The following RBFOX1 variants were observed in gnomAD, a reference collection of about 807,000 sequenced individuals.
RBFOX1 encodes RNA binding fox-1 homolog 1.
RBFOX1 carries 8 observed loss-of-function variants against 57.7 expected under a neutral mutation model. That is an observed-to-expected ratio of 0.14 (90% confidence interval 0.08 to 0.25). The LOEUF (loss-of-function observed/expected upper bound fraction) is 0.25, where lower values mean the gene tolerates loss of function less well. Ranked by LOEUF, RBFOX1 falls within the 10% of genes least tolerant of loss-of-function variation. RBFOX1 has a pLI of 1.00. For synonymous variants in RBFOX1, 326 were observed against 222.4 expected, an observed-to-expected ratio of 1.47 and a Z score of -4.15; for missense variants, 611 against 548.5, an observed-to-expected ratio of 1.11 and a Z score of -1.14.
chr16:6,684,878 C>G (rs965514680), intron 3 of RBFOX1, among the ~76,000 whole-genome samples: 6 of 152,140 alleles, frequency 3.9e-5, no homozygotes, highest in African/African-American at 4.8e-5. Flanking sequence ...GCAAAAGGAG[C>G]TAGCATGTTC....
At chr16:5,394,853 C>CT (rs1280859087) in intron 1 of RBFOX1, among the ~76,000 whole-genome samples, 12 of 152,104 alleles carry the variant, frequency 7.9e-5, no homozygotes, top group East Asian at 1.9e-4. Flanking sequence ...CCTGGCCTGT[C>CT]TTTTTTTTCC....
chr16:5,477,442 G>A (rs2069368190), intron 2 of RBFOX1, among the ~76,000 whole-genome samples: 1 of 152,158 alleles, frequency 6.6e-6, no homozygotes, highest in South Asian at 2.1e-4. Flanking sequence ...CCCCTCCTGG[G>A]GACAGGCTGC....
intron 3 of RBFOX1, among the ~76,000 whole-genome samples, chr16:6,865,340 A>C (rs1351285592): frequency 6.6e-6 from 1 of 152,086 alleles, no homozygotes. Context: ...TAATTACTTG[A>C]ATAATATGTG....
chr16:7,031,901 C>G (rs1343851404), intron 3 of RBFOX1, among the ~76,000 whole-genome samples: 1 of 152,124 alleles, frequency 6.6e-6, no homozygotes, highest in South Asian at 2.1e-4. Flanking sequence ...TCTCCCTGAT[C>G]AGTATAATTA....
At chr16:6,336,614 C>G (rs1253623425) in intron 2 of RBFOX1, among the ~76,000 whole-genome samples, 2 of 152,130 alleles carry the variant, frequency 1.3e-5, no homozygotes, top group Non-Finnish European at 2.9e-5. Flanking sequence ...CACACACCAC[C>G]CGGGAGAACT....
At chr16:7,188,591 A>G (rs1264232436) in intron 4 of RBFOX1, among the ~76,000 whole-genome samples, 1 of 152,182 alleles carries the variant, frequency 6.6e-6, no homozygotes, top group Non-Finnish European at 1.5e-5. Context: ...CTAAGCAATT[A>G]AGAGTGGTTT....
chr16:5,471,432 G>C (rs889336246), intron 2 of RBFOX1, among the ~76,000 whole-genome samples: 13 of 152,152 alleles, frequency 8.5e-5, no homozygotes, highest in Non-Finnish European at 1.8e-4. Flanking sequence ...TTTTCTCTCG[G>C]AGAGATGCTC....
chr16:6,683,106 G>A (rs1603400182), intron 3 of RBFOX1, among the ~76,000 whole-genome samples: 1 of 152,004 alleles, frequency 6.6e-6, no homozygotes, highest in African/African-American at 2.4e-5. Flanking sequence ...TAACCACAGG[G>A]TTATTTATTT....
chr16:7,221,336 T>G (rs1446707013), intron 4 of RBFOX1, among the ~76,000 whole-genome samples: 1 of 63,396 alleles, frequency 1.6e-5, no homozygotes, highest in Non-Finnish European at 3.5e-5. Context: ...ATTCTTTATT[T>G]TTATTTGATT....
chr16:7,320,633 A>C (rs1603620151), intron 4 of RBFOX1, among the ~76,000 whole-genome samples: 1 of 152,364 alleles, frequency 6.6e-6, no homozygotes, highest in Admixed American at 6.5e-5. Flanking sequence ...GGATTTGTTG[A>C]TTCATGAAAC....
intron 3 of RBFOX1, among the ~76,000 whole-genome samples, chr16:6,789,065 T>C (rs2082463950): frequency 6.6e-6 from 1 of 152,056 alleles, no homozygotes; most frequent in African/African-American, 2.4e-5. Context: ...TGTCGCGAAA[T>C]TGCCTATTAA....
chr16:7,022,807 A>C (rs559872865), intron 3 of RBFOX1, among the ~76,000 whole-genome samples: 1 of 152,322 alleles, frequency 6.6e-6, no homozygotes, highest in African/African-American at 2.4e-5. Flanking sequence ...TTCTATTCTT[A>C]TTGACCTGAT....
At chr16:5,575,277 G>C (rs1271124260) in intron 2 of RBFOX1, among the ~76,000 whole-genome samples, 2 of 152,136 alleles carry the variant, frequency 1.3e-5, no homozygotes, top group East Asian at 3.9e-4. Flanking sequence ...GCAAACCATT[G>C]ATCATTATCG....
chr16:7,504,384 G>C (rs1343646959), intron 4 of RBFOX1, among the ~76,000 whole-genome samples: 1 of 151,778 alleles, frequency 6.6e-6, no homozygotes, highest in African/African-American at 2.4e-5. Context: ...CTGGGTTCTG[G>C]ATCTTAGGGT....
intron 4 of RBFOX1, among the ~76,000 whole-genome samples, chr16:7,218,446 G>A (rs1447396711): frequency 2.0e-5 from 3 of 152,094 alleles, no homozygotes; most frequent in South Asian, 2.1e-4. Flanking sequence ...AGCCATATTC[G>A]ATCCCAGTGA....
chr16:6,859,703 T>A (rs2058671456), intron 3 of RBFOX1, among the ~76,000 whole-genome samples: 1 of 152,198 alleles, frequency 6.6e-6, no homozygotes, highest in Non-Finnish European at 1.5e-5. Context: ...TCGACTACGG[T>A]ATCAGCAAAA....
intron 1 of RBFOX1, among the ~76,000 whole-genome samples, chr16:6,052,770 C>T (rs565520321): frequency 6.7e-6 from 1 of 148,902 alleles, no homozygotes; most frequent in South Asian, 2.1e-4. Context: ...GGAGACAGAG[C>T]GAGACTCCGT....
chr16:7,185,372 G>A (rs1159526194), intron 4 of RBFOX1, among the ~76,000 whole-genome samples: 1 of 152,102 alleles, frequency 6.6e-6, no homozygotes, highest in African/African-American at 2.4e-5. Flanking sequence ...TTTCTGACAG[G>A]CAATTTCCTT....
intron 1 of RBFOX1, among the ~76,000 whole-genome samples, chr16:6,133,352 C>G (rs1298924552): frequency 6.6e-6 from 1 of 152,172 alleles, no homozygotes; most frequent in Admixed American, 6.5e-5. Flanking sequence ...AGCCTGCGTT[C>G]TTCATTTTTA....
Sources: gnomAD v4.1 joint callset for allele counts (sites outside exome capture counted in the v4.1 genomes callset) on GRCh38, gnomAD v4.1.1 for gene constraint, MANE v1.5 for transcripts, NCBI Gene and HGNC (gene_info 2026-07-23, HGNC 2026-07-21) for gene names.